Variants in UNC80 observed in about 807,000 individuals in gnomAD.
UNC80 encodes the protein protein unc-80 homolog.
A neutral mutation model predicts 384.6 loss-of-function variants in UNC80; 164 were observed. That is an observed-to-expected ratio of 0.43 (90% confidence interval 0.38 to 0.49). The LOEUF is 0.49. Ranked by LOEUF, UNC80 falls within the 20% of genes least tolerant of loss-of-function variation. The pLI, the probability that UNC80 is intolerant of heterozygous loss-of-function variation, is 0.00. For synonymous variants in UNC80, 1,486 were observed against 1,527.8 expected, an observed-to-expected ratio of 0.97 and a Z score of 0.64; for missense variants, 3,330 against 4,143.0, an observed-to-expected ratio of 0.80 and a Z score of 5.39.
At chr2:209,870,487 A>G (rs942887188) in intron 22 of UNC80, among the ~76,000 whole-genome samples, 10 of 152,112 alleles carry the variant, frequency 6.6e-5, no homozygotes, top group African/African-American at 2.4e-4. Context: ...AAGTTTTTCT[A>G]TCCCTGTGAC....
At chr2:209,860,838 G>C (rs1189776697) in intron 22 of UNC80, among the ~76,000 whole-genome samples, 1 of 152,086 alleles carries the variant, frequency 6.6e-6, no homozygotes, top group African/African-American at 2.4e-5. Context: ...TTCATGATTT[G>C]GCTCTCTGCT....
Position 209,999,259 on chromosome 2 carries a change from G to T in UNC80, c.*3664G>T, listed in dbSNP as rs2093525648. On this transcript the variant is annotated 3_prime_UTR_variant, in exon 65 of 65. Coordinates refer to ENST00000673920, the MANE Select transcript of UNC80 (RefSeq NM_001371986.1). ...AAGATATTAAGACTTCTGTGTTTAG[G>T]TATGCACATATGATAAAATAAATCT... 6.6e-6 allele frequency: 1 copy of T among 152,182 alleles called. No homozygotes were observed. The highest frequency in any genetic ancestry group is 2.1e-4 in the South Asian group (1 of 4,832). The allele number at this position is 152,182 out of a possible 1,614,324, so 9.4% of individuals were successfully genotyped here.
chr2:209,997,566 TA>T lies in UNC80; in HGVS notation c.*1974del, dbSNP rs1173506361. ...ATTGTTAAATATTCAACAAGAATCA[TA>T]AATACCTTTATATGTATTTTAAAAG... On this transcript the variant is annotated 3_prime_UTR_variant, in exon 65 of 65. Transcript: ENST00000673920. The T allele has an allele frequency of 2.0e-5, 3 of 152,234 alleles. No individual in the cohort carries two copies. The highest frequency in any genetic ancestry group is 7.2e-5 in the African/African-American group (3 of 41,468). 9.4% of individuals were successfully genotyped at this position (152,234 alleles called of 1,614,324 possible). A position where few individuals can be genotyped will look rare whatever the true frequency, so the allele number is the denominator to read the frequency against.
At chr2:209,978,431 C>A in intron 58 of UNC80, 98 bp from the exon 59 acceptor site, 2 of 1,090,750 alleles carry the variant, frequency 1.8e-6, no homozygotes, top group Non-Finnish European at 2.5e-6. Context: ...CATTATTTAA[C>A]TAACCTTTCC....
At chr2:209,994,302 G>GT (rs1255234980) in intron 64 of UNC80, 38 bp downstream of exon 64, 2 of 1,504,850 alleles carry the variant, frequency 1.3e-6, no homozygotes, top group African/African-American at 2.8e-5. Context: ...CTTGCTCCCT[G>GT]TGTACTTACT....
Position 209,815,327 on chromosome 2 carries a change from C to T in UNC80, c.1271C>T (p.Thr424Ile), listed in dbSNP as rs2079653520. The change falls in exon 9 of 65, where the codon ACC (threonine) becomes ATC (isoleucine). Residue 424 changes from threonine to isoleucine, a missense_variant. Physicochemically the swap from Thr to Ile is moderately conservative, Grantham distance 89 (BLOSUM62 -1). Around this residue, in one of 8 missense-constraint regions of UNC80, gnomAD observed 937 missense variants for 1,026.8 expected, o/e 0.91. Transcript: ENST00000673920. Reference protein sequence around the residue: ...SSEAFSKVSLTNLRRSAVPDL... With the variant: ...SSEAFSKVSLINLRRSAVPDL... ...GAGGCCTTTTCCAAGGTTTCACTGA[C>T]CAATCTGCGTAGATCTGCAGTCCCA... 1 of 1,551,568 alleles carries T rather than the reference C, an allele frequency of 6.4e-7. No homozygotes were observed. Among genetic ancestry groups the T allele is most frequent in the Non-Finnish European group, 8.7e-7 (1 of 1,146,970 alleles).
chr2:209,842,745 T>A (rs923931603), intron 21 of UNC80, among the ~76,000 whole-genome samples: 8 of 152,184 alleles, frequency 5.3e-5, no homozygotes, highest in Admixed American at 2.0e-4. Flanking sequence ...CTTCCAGAGA[T>A]CCTTTTATCC....
chr2:209,939,693 A>G (rs1367119945), intron 43 of UNC80, 41 bp downstream of exon 43: 1 of 1,477,352 alleles, frequency 6.8e-7, no homozygotes, highest in African/African-American at 1.4e-5. Context: ...GGCTTTTTCT[A>G]ACACACTTGT....
chr2:209,941,374 C>T lies in UNC80; in HGVS notation c.6800C>T (p.Pro2267Leu), dbSNP rs751655179. 7 of 1,551,264 alleles carry T rather than the reference C, an allele frequency of 4.5e-6. No homozygotes were observed. Among genetic ancestry groups the T allele is most frequent in the Non-Finnish European group, 6.1e-6 (7 of 1,146,790 alleles). ...NVFNGALILH[P>L]EDSALLRQYA... ...TTTAACGGGGCTCTGATCCTCCACCCGGAAGACAGTGCCCTGCTCAGGCAG... is the reference window on the plus strand; with the variant it reads ...TTTAACGGGGCTCTGATCCTCCACCTGGAAGACAGTGCCCTGCTCAGGCAG... The change falls in exon 44 of 65, where the codon CCG becomes CTG. Residue 2267 changes from proline to leucine, a missense_variant. Physicochemically the swap from Pro to Leu is moderately conservative, Grantham distance 98. This residue lies in a region of UNC80 where 1,049 missense variants were observed against 1,488.6 expected (regional missense o/e 0.70). Transcript: ENST00000673920.
chr2:209,804,118 T>C (rs542862857), intron 7 of UNC80, among the ~76,000 whole-genome samples: 2 of 152,304 alleles, frequency 1.3e-5, no homozygotes, highest in South Asian at 4.1e-4. Flanking sequence ...ACCTATGAGA[T>C]GTTACCAAAG....
At chr2:209,816,591 A>G (rs1366441247) in intron 9 of UNC80, among the ~76,000 whole-genome samples, 3 of 152,172 alleles carry the variant, frequency 2.0e-5, no homozygotes, top group Admixed American at 6.5e-5. Context: ...GTCTAATATA[A>G]TATGTCTGAG....
intron 26 of UNC80, among the ~76,000 whole-genome samples, chr2:209,890,803 G>A (rs950014019): frequency 1.3e-5 from 2 of 152,198 alleles, no homozygotes; most frequent in African/African-American, 4.8e-5. Context: ...AATAGCTATT[G>A]TTGTTGGGTT....
intron 42 of UNC80, among the ~76,000 whole-genome samples, chr2:209,939,158 T>C (rs1191533759): frequency 6.6e-6 from 1 of 152,134 alleles, no homozygotes. Flanking sequence ...TATTATAGCA[T>C]CCAAACAAAT....
chr2:209,870,523 A>G (rs1291444048), intron 22 of UNC80, among the ~76,000 whole-genome samples: 2 of 152,158 alleles, frequency 1.3e-5, no homozygotes, highest in Admixed American at 6.5e-5. Context: ...GACCCCATGC[A>G]TTGATGAGAT....
chr2:209,772,353 A>G (rs2076623450), intron 1 of UNC80, among the ~76,000 whole-genome samples, 189 bp downstream of exon 1: 1 of 149,848 alleles, frequency 6.7e-6, no homozygotes, highest in African/African-American at 2.4e-5. Flanking sequence ...ATATGTATAT[A>G]TTTCAGTGAA....
intron 63 of UNC80, 50 bp downstream of exon 63, chr2:209,993,476 C>T (rs1559455244): frequency 1.3e-6 from 2 of 1,481,784 alleles, no homozygotes; most frequent in Non-Finnish European, 9.2e-7. Flanking sequence ...TGATGCCATG[C>T]AACTCACCCA....
chr2:209,859,970 A>G (rs1258344282), intron 22 of UNC80, among the ~76,000 whole-genome samples: 1 of 152,204 alleles, frequency 6.6e-6, no homozygotes, highest in Non-Finnish European at 1.5e-5. Flanking sequence ...CCCATTCTGT[A>G]GGTGGCTTGT....
At position 209,984,839 on chromosome 2, in the gene UNC80, C is replaced by T. The variant is rs1003496793; in HGVS notation, c.9258-17C>T. On this transcript the variant is annotated splice_polypyrimidine_tract_variant and intron_variant, in intron 60 of 64. Transcript: ENST00000673920. ...TTTTCTTTCCCTAAATGCTTCATCT[C>T]CCTACCCCTCCTGCAGTGAACCTAA... The T allele has an allele frequency of 6.5e-7, 1 of 1,539,706 alleles. No homozygotes were observed.
At chr2:209,903,769 A>T (rs1014950952) in intron 28 of UNC80, among the ~76,000 whole-genome samples, 5 of 150,046 alleles carry the variant, frequency 3.3e-5, no homozygotes, top group African/African-American at 1.2e-4. Context: ...ATTAGCTTAT[A>T]GTCTTTATGG....
Sources: allele counts gnomAD v4.1 joint callset (sites outside exome capture counted in the v4.1 genomes callset), GRCh38; gene constraint gnomAD v4.1.1; regional missense constraint gnomAD v4.1.1; transcripts MANE v1.5; gene names NCBI Gene and HGNC (gene_info 2026-07-23, HGNC 2026-07-21).